Variants in DLG2 observed in about 807,000 individuals in gnomAD.
DLG2 encodes the protein discs large MAGUK scaffold protein 2.
Under a neutral mutation model 132.5 loss-of-function variants are expected in DLG2, and 45 were observed. The observed-to-expected ratio is 0.34, with a 90% CI of 0.27 to 0.44. The LOEUF (loss-of-function observed/expected upper bound fraction) is 0.44, where lower values mean the gene tolerates loss of function less well. Ranked by LOEUF, DLG2 falls within the 20% of genes least tolerant of loss-of-function variation. The pLI, the probability that DLG2 is intolerant of heterozygous loss-of-function variation, is 1.00. For missense variants in DLG2, 1,045 were observed against 1,196.9 expected (o/e 0.87, Z 1.87); for synonymous variants, 424 against 419.6 (o/e 1.01, Z -0.13).
At position 83,621,491 on chromosome 11, in the gene DLG2, G is replaced by A. The variant is rs190811024; in HGVS notation, c.1940+11720C>T. On this transcript the variant is annotated intron_variant, in intron 19 of 27. Transcript: ENST00000376104. Reference sequence around the variant, plus strand: ...ACAAGAAGACCAAAGTGTCCTGCAGGTGCTAAATAAATGTGAAATGATGCT... The same window carrying A: ...ACAAGAAGACCAAAGTGTCCTGCAGATGCTAAATAAATGTGAAATGATGCT... Among the ~76,000 whole-genome samples the A allele has an allele frequency of 1.9e-4, 29 of 152,180 alleles. No homozygotes were observed. In the East Asian group the frequency reaches 5.4e-3, roughly 29 times the overall value.
intron 3 of DLG2, among the ~76,000 whole-genome samples, chr11:85,496,530 T>A (rs1050051305): frequency 6.6e-6 from 1 of 152,290 alleles, no homozygotes; most frequent in South Asian, 2.1e-4. Context: ...TTCCCCATAC[T>A]TAAACGTCCC....
At position 83,541,756 on chromosome 11, in the gene DLG2, A is replaced by C; in HGVS notation, c.2043T>G (p.Asp681Glu). The change falls in exon 20 of 28, where the codon GAT becomes GAG. Residue 681 changes from aspartate (D) to glutamate (E), a missense_variant. By Grantham distance (45) the Asp-to-Glu change is conservative (BLOSUM62 2). This residue lies in a region of DLG2 where 398 missense variants were observed against 543.6 expected (regional missense o/e 0.73). Coordinates refer to ENST00000376104, the MANE Select transcript of DLG2 (RefSeq NM_001142699.3). ...DILHVINASDDEWWQARRVML... is the reference protein window; with the variant it reads ...DILHVINASDEEWWQARRVML... Reference sequence around the variant, plus strand: ...TGACTCTCCTGGCTTGCCACCACTCATCATCAGAGGCATTGATAACGTGGA... The same window carrying C: ...TGACTCTCCTGGCTTGCCACCACTCCTCATCAGAGGCATTGATAACGTGGA... The C allele has an allele frequency of 6.2e-7, 1 of 1,613,292 alleles. No homozygotes were observed. Among genetic ancestry groups the C allele is most frequent in the Non-Finnish European group, 8.5e-7 (1 of 1,179,542 alleles).
chr11:83,664,700 T>C (rs1184044674), intron 18 of DLG2, among the ~76,000 whole-genome samples: 1 of 152,182 alleles, frequency 6.6e-6, no homozygotes, highest in African/African-American at 2.4e-5. Flanking sequence ...AAAGAGTGCA[T>C]CACCCTTCCT....
intron 10 of DLG2, among the ~76,000 whole-genome samples, chr11:84,082,252 T>C (rs1252991746): frequency 3.3e-5 from 5 of 152,110 alleles, no homozygotes; most frequent in Admixed American, 1.3e-4. Context: ...GCCTGTGTTA[T>C]GGTATTAAAT....
chr11:83,890,059 A>G (rs2069269482), intron 15 of DLG2, among the ~76,000 whole-genome samples: 1 of 152,094 alleles, frequency 6.6e-6, no homozygotes, highest in Middle Eastern at 3.2e-3. Flanking sequence ...ATGTATACAT[A>G]TGTAACTAAC....
intron 6 of DLG2, among the ~76,000 whole-genome samples, chr11:84,554,792 T>C (rs1198400361): frequency 6.6e-6 from 1 of 152,076 alleles, no homozygotes; most frequent in Non-Finnish European, 1.5e-5. Context: ...GGAAATAAGA[T>C]GCTCCAAGAG....
At chr11:85,407,760 G>A (rs1195333666) in intron 3 of DLG2, among the ~76,000 whole-genome samples, 1 of 151,826 alleles carries the variant, frequency 6.6e-6, no homozygotes, top group East Asian at 1.9e-4. Context: ...AAGAAGCAGG[G>A]AGATGGAATA....
intron 6 of DLG2, among the ~76,000 whole-genome samples, chr11:84,588,659 G>T (rs1461619588): frequency 2.0e-5 from 3 of 151,888 alleles, no homozygotes; most frequent in Non-Finnish European, 4.4e-5. Context: ...CTAAGTCACA[G>T]GATAAGATAG....
chr11:83,970,830 T>C (rs141427064), intron 12 of DLG2, among the ~76,000 whole-genome samples: 191 of 152,338 alleles, frequency 1.3e-3, no homozygotes, highest in African/African-American at 4.4e-3. Flanking sequence ...CATTTTCTTA[T>C]AAACATCTGT....
At chr11:84,506,076 G>GTTTTTTTTTTTTTTTTT (rs559086542) in intron 7 of DLG2, among the ~76,000 whole-genome samples, 66 of 91,350 alleles carry the variant, frequency 7.2e-4, no homozygotes, top group African/African-American at 2.5e-3. Flanking sequence ...CAGAGGCTCA[G>GTTTTTTTTTTTTTTTTT]TTCTTTTTTT....
chr11:84,451,195 T>C (rs1373060184), intron 7 of DLG2, among the ~76,000 whole-genome samples: 2 of 151,878 alleles, frequency 1.3e-5, no homozygotes, highest in East Asian at 1.9e-4. Context: ...TAAATGTTTG[T>C]ATTTCTTCCC....
rs191080921 is a variant in DLG2 at position 85,164,324 on chromosome 11, C to T, written c.187-9673G>A. Among the ~76,000 whole-genome samples, 261 of 152,188 alleles carry T rather than the reference C, an allele frequency of 1.7e-3. 1 individual carries two copies. Among genetic ancestry groups the T allele is most frequent in the African/African-American group, 6.2e-3 (256 of 41,536 alleles). On this transcript the variant is annotated intron_variant, in intron 4 of 27. Coordinates refer to ENST00000376104, the MANE Select transcript of DLG2 (RefSeq NM_001142699.3). Reference sequence around the variant, plus strand: ...CAGAGGAATATTTGGGGCTGGTACTCTGGTCTCCTATAGTCATATTTTTGG... The same window carrying T: ...CAGAGGAATATTTGGGGCTGGTACTTTGGTCTCCTATAGTCATATTTTTGG...
intron 18 of DLG2, among the ~76,000 whole-genome samples, chr11:83,734,903 A>T (rs1160371861): frequency 6.6e-6 from 1 of 151,872 alleles, no homozygotes; most frequent in Non-Finnish European, 1.5e-5. Context: ...ACATATGTAT[A>T]AAATACACAT....
At chr11:84,549,785 G>A (rs751216826) in intron 6 of DLG2, among the ~76,000 whole-genome samples, 2 of 151,736 alleles carry the variant, frequency 1.3e-5, no homozygotes, top group East Asian at 1.9e-4. Flanking sequence ...ATGGAGTCTC[G>A]CTCTGTCACC....
intron 7 of DLG2, among the ~76,000 whole-genome samples, chr11:84,361,143 T>A (rs2098647636): frequency 6.6e-6 from 1 of 151,792 alleles, no homozygotes; most frequent in South Asian, 2.1e-4. Context: ...CCAAGTACAG[T>A]CCTAGAAAGT....
intron 19 of DLG2, among the ~76,000 whole-genome samples, chr11:83,575,796 G>C (rs1201378288): frequency 1.3e-5 from 2 of 152,136 alleles, no homozygotes; most frequent in Non-Finnish European, 2.9e-5. Flanking sequence ...GAAAAGATCA[G>C]TTCCATGATA....
chr11:84,264,511 TAAC>T (rs943809897), intron 7 of DLG2, among the ~76,000 whole-genome samples: 1 of 151,970 alleles, frequency 6.6e-6, no homozygotes, highest in African/African-American at 2.4e-5. Context: ...GATGGGGAAA[TAAC>T]AAGAAAAAAG....
chr11:83,889,173 T>C (rs1015939508), intron 15 of DLG2, among the ~76,000 whole-genome samples: 11 of 151,932 alleles, frequency 7.2e-5, no homozygotes, highest in Non-Finnish European at 4.4e-5. Flanking sequence ...ACAGGAAACC[T>C]ACAAAATGGG....
chr11:85,501,709 C>A (rs985578630), intron 3 of DLG2, among the ~76,000 whole-genome samples: 35 of 151,446 alleles, frequency 2.3e-4, no homozygotes, highest in African/African-American at 8.5e-4. Flanking sequence ...CAAATCAAAA[C>A]CACAATTAGA....
Sources: gnomAD v4.1 joint callset for allele counts (sites outside exome capture counted in the v4.1 genomes callset) on GRCh38, gnomAD v4.1.1 for gene constraint, gnomAD v4.1.1 regional missense constraint, MANE v1.5 for transcripts, NCBI Gene and HGNC (gene_info 2026-07-23, HGNC 2026-07-21) for gene names.